RGS7BP: variants seen among roughly 807,000 people sequenced by gnomAD.
RGS7BP encodes the protein regulator of G protein signaling 7-binding protein.
RGS7BP carries 9 observed loss-of-function variants against 31.3 expected under a neutral mutation model. The observed-to-expected ratio is 0.29, with a 90% CI of 0.17 to 0.50. RGS7BP has a LOEUF of 0.50. Ranked by LOEUF, RGS7BP falls within the 20% of genes least tolerant of loss-of-function variation. The pLI is 0.98. For missense variants in RGS7BP, 274 were observed against 322.0 expected (o/e 0.85, Z 1.14); for synonymous variants, 115 against 120.1 (o/e 0.96, Z 0.28).
intron 1 of RGS7BP, 52 bp from the exon 2 acceptor site, chr5:64,507,659 C>T: frequency 6.6e-7 from 1 of 1,515,404 alleles, no homozygotes; most frequent in African/African-American, 1.4e-5. Context: ...AAACAGGAAA[C>T]TTTCTGATGA....
chr5:64,542,026 A>C (rs1364519005), intron 2 of RGS7BP, among the ~76,000 whole-genome samples: 1 of 152,118 alleles, frequency 6.6e-6, no homozygotes, highest in Non-Finnish European at 1.5e-5. Flanking sequence ...GTATTTCTAG[A>C]TATTAACGAA....
At chr5:64,533,874 G>A (rs1749438052) in intron 2 of RGS7BP, among the ~76,000 whole-genome samples, 2 of 152,182 alleles carry the variant, frequency 1.3e-5, no homozygotes, top group African/African-American at 2.4e-5. Context: ...CTATGTACCA[G>A]GCACTGGGGA....
At chr5:64,529,916 C>T (rs990642897) in intron 2 of RGS7BP, among the ~76,000 whole-genome samples, 30 of 152,338 alleles carry the variant, frequency 2.0e-4, no homozygotes, top group African/African-American at 7.0e-4. Flanking sequence ...AGAACCTCCA[C>T]GGGCTGGACT....
At chr5:64,600,458 TATC>T (rs1466660686) in intron 5 of RGS7BP, among the ~76,000 whole-genome samples, 1 of 152,216 alleles carries the variant, frequency 6.6e-6, no homozygotes, top group Non-Finnish European at 1.5e-5. Context: ...TGTGACTTTG[TATC>T]ATCTTTATAC....
chr5:64,521,642 G>C (rs1749111445), intron 2 of RGS7BP, among the ~76,000 whole-genome samples: 1 of 152,112 alleles, frequency 6.6e-6, no homozygotes, highest in Non-Finnish European at 1.5e-5. Context: ...CCATTACCAT[G>C]AACAGTCCTA....
At chr5:64,569,226 G>T (rs1484759608) in intron 2 of RGS7BP, among the ~76,000 whole-genome samples, 3 of 152,026 alleles carry the variant, frequency 2.0e-5, no homozygotes, top group Non-Finnish European at 4.4e-5. Flanking sequence ...TGAAGAGAGG[G>T]GAATTACTGC....
intron 2 of RGS7BP, among the ~76,000 whole-genome samples, chr5:64,542,259 A>C (rs1007138586): frequency 1.3e-5 from 2 of 152,200 alleles, no homozygotes; most frequent in Non-Finnish European, 2.9e-5. Flanking sequence ...AAGGTGCCTG[A>C]GTCTACCAGA....
intron 2 of RGS7BP, among the ~76,000 whole-genome samples, chr5:64,510,004 C>T (rs973290727): frequency 6.6e-6 from 1 of 152,194 alleles, no homozygotes; most frequent in Admixed American, 6.5e-5. Context: ...GGCGGAATTC[C>T]GTTTCTGATA....
At chr5:64,562,707 G>A (rs1742082376) in intron 2 of RGS7BP, among the ~76,000 whole-genome samples, 1 of 152,082 alleles carries the variant, frequency 6.6e-6, no homozygotes, top group Non-Finnish European at 1.5e-5. Context: ...AACAGTACCT[G>A]TACCACAGGG....
At position 64,507,760 on chromosome 5, in the gene RGS7BP, T is replaced by C; in HGVS notation, c.215T>C (p.Ile72Thr). 3.1e-6 allele frequency: 5 copies of C among 1,613,596 alleles called. No homozygotes were observed. Among genetic ancestry groups the C allele is most frequent in the Non-Finnish European group, 3.4e-6 (4 of 1,179,886 alleles). ...GTGGCCCTGTACCGAGAGCTGGTCA[T>C]TTCTATTGGGGATGTCTCGGTCAGC... The part of the protein sequence containing the change: ...TQVALYRELV[I>T]SIGDVSVSCP... The change falls in exon 2 of 6, where the codon ATT becomes ACT. Residue 72 changes from isoleucine to threonine, a missense_variant. Around this residue, in one of 3 missense-constraint regions of RGS7BP, gnomAD observed 149 missense variants for 152.6 expected, o/e 0.98. Transcript: ENST00000334025.
At chr5:64,531,738 G>A (rs1350676155) in intron 2 of RGS7BP, among the ~76,000 whole-genome samples, 3 of 152,154 alleles carry the variant, frequency 2.0e-5, no homozygotes, top group African/African-American at 4.8e-5. Context: ...AATCTTGTTT[G>A]TGCACATGTA....
intron 4 of RGS7BP, among the ~76,000 whole-genome samples, chr5:64,596,538 C>T (rs1047949520): frequency 9.9e-5 from 15 of 152,078 alleles, no homozygotes; most frequent in African/African-American, 2.9e-4. Flanking sequence ...CATTCCTAGC[C>T]CTTTCTCACC....
intron 2 of RGS7BP, among the ~76,000 whole-genome samples, chr5:64,525,782 T>C (rs1463198532): frequency 6.6e-6 from 1 of 152,136 alleles, no homozygotes; most frequent in East Asian, 1.9e-4. Flanking sequence ...TTGTGAAGAA[T>C]TTCTGAGTAA....
intron 2 of RGS7BP, among the ~76,000 whole-genome samples, chr5:64,528,679 T>C (rs1403621660): frequency 6.6e-6 from 1 of 151,750 alleles, no homozygotes; most frequent in Non-Finnish European, 1.5e-5. Flanking sequence ...GGTGTGGTGA[T>C]GCGAGCCTGT....
chr5:64,606,037 TATAGAG>T (rs1388599430), intron 5 of RGS7BP, among the ~76,000 whole-genome samples: 4 of 121,010 alleles, frequency 3.3e-5, no homozygotes, highest in Admixed American at 1.7e-4. Context: ...TATATATATA[TATAGAG>T]AGAGAGAGAG....
intron 3 of RGS7BP, among the ~76,000 whole-genome samples, chr5:64,582,099 A>C (rs1580452559): frequency 6.6e-6 from 1 of 152,216 alleles, no homozygotes; most frequent in African/African-American, 2.4e-5. Flanking sequence ...ACAAAGTCTA[A>C]TTTCTATGTT....
At chr5:64,509,641 C>G (rs536393560) in intron 2 of RGS7BP, among the ~76,000 whole-genome samples, 3 of 152,222 alleles carry the variant, frequency 2.0e-5, no homozygotes, top group African/African-American at 7.2e-5. Flanking sequence ...CCGCCTCAGG[C>G]TCCAGAGTAG....
chr5:64,587,539 C>T (rs188133837), intron 3 of RGS7BP, among the ~76,000 whole-genome samples: 1 of 152,212 alleles, frequency 6.6e-6, no homozygotes, highest in Admixed American at 6.6e-5. Flanking sequence ...TAAGGAAAAG[C>T]TGGGCTACCC....
chr5:64,550,429 C>T (rs1309577484), intron 2 of RGS7BP, among the ~76,000 whole-genome samples: 2 of 152,148 alleles, frequency 1.3e-5, no homozygotes, highest in African/African-American at 2.4e-5. Flanking sequence ...TAGGGCCCCA[C>T]CCTTATGACC....
Sources: gnomAD v4.1 joint callset for allele counts (sites outside exome capture counted in the v4.1 genomes callset) on GRCh38, gnomAD v4.1.1 for gene constraint, gnomAD v4.1.1 regional missense constraint, MANE v1.5 for transcripts, NCBI Gene and HGNC (gene_info 2026-07-23, HGNC 2026-07-21) for gene names.